The following STAB1 variants were observed in gnomAD, a reference collection of about 807,000 sequenced individuals.
STAB1 encodes stabilin-1.
In STAB1, 250 loss-of-function variants were observed where a neutral mutation model predicts 332.4. The ratio of observed to expected loss-of-function variants is 0.75; its 90% CI spans 0.68 to 0.84. The LOEUF is 0.84. Ranked by LOEUF, STAB1 falls within the 40% of genes least tolerant of loss-of-function variation. The pLI is 0.00. For synonymous variants in STAB1, 1,475 were observed against 1,390.4 expected, an observed-to-expected ratio of 1.06 and a Z score of -1.35; for missense variants, 3,249 against 3,489.7, an observed-to-expected ratio of 0.93 and a Z score of 1.74.
chr3:52,519,879 C>A, intron 50 of STAB1, 65 bp from the exon 51 acceptor site: 1 of 1,505,378 alleles, frequency 6.6e-7, no homozygotes, highest in African/African-American at 1.4e-5. Context: ...TGGCACAGCC[C>A]CCTGCCTTTG....
intron 52 of STAB1, 28 bp downstream of exon 52, chr3:52,520,318 A>AGG: frequency 6.2e-7 from 1 of 1,612,946 alleles, no homozygotes; most frequent in Non-Finnish European, 8.5e-7. Flanking sequence ...GCTTGGATGA[A>AGG]GGGAGTAGGA....
At position 52,519,982 on chromosome 3, in the gene STAB1, T is replaced by C; in HGVS notation, c.5274T>C (p.His1758=). 3.1e-6 allele frequency: 5 copies of C among 1,608,642 alleles called. No individual in the cohort carries two copies. Among genetic ancestry groups the C allele is most frequent in the South Asian group, 1.1e-5 (1 of 90,854 alleles). Residue 1758 remains histidine, a synonymous_variant, in exon 51 of 69, where the codon CAT becomes CAC. Coordinates refer to ENST00000321725, the MANE Select transcript of STAB1 (RefSeq NM_015136.3). ...GLLPLLREAS[H]RPFTMLWPTD... ...TGCCCCTGCTTCGAGAGGCATCCCATAGGCCCTTCACAATGCTGTGGCCCA... is the reference window on the plus strand; with the variant it reads ...TGCCCCTGCTTCGAGAGGCATCCCACAGGCCCTTCACAATGCTGTGGCCCA...
intron 45 of STAB1, 149 bp from the exon 46 acceptor site, chr3:52,518,163 C>T (rs1353050549): frequency 1.3e-6 from 2 of 1,490,006 alleles, no homozygotes; most frequent in Non-Finnish European, 1.8e-6. Context: ...AGCTATGACC[C>T]ATGAAACTAG....
chr3:52,519,905 C>T, intron 50 of STAB1, 39 bp from the exon 51 acceptor site: 2 of 1,535,724 alleles, frequency 1.3e-6, no homozygotes, highest in Non-Finnish European at 1.7e-6. Flanking sequence ...TAGTCTCTGA[C>T]TGGGCAGCGA....
At chr3:52,521,289 G>C (rs1177004430) in intron 55 of STAB1, 72 bp from the exon 56 acceptor site, 4 of 1,596,814 alleles carry the variant, frequency 2.5e-6, no homozygotes, top group Admixed American at 1.7e-5. Context: ...GCAGGGCTAG[G>C]CTGGAGGTAC....
At position 52,519,424 on chromosome 3, in the gene STAB1, G is replaced by A. The variant is rs773389637; in HGVS notation, c.5175+20G>A. On this transcript the variant is annotated intron_variant, in intron 49 of 68. Coordinates refer to ENST00000321725, the MANE Select transcript of STAB1 (RefSeq NM_015136.3). ...CCGAGGGTATGACAAGCACGGGCCTGGGAGCTGGAAGACAGGCAGGTGGGG... is the reference window on the plus strand; with the variant it reads ...CCGAGGGTATGACAAGCACGGGCCTAGGAGCTGGAAGACAGGCAGGTGGGG... 6.2e-7 allele frequency: 1 copy of A among 1,612,362 alleles called. No homozygotes were observed. The highest frequency in any genetic ancestry group is 1.1e-5 in the South Asian group (1 of 91,062).
intron 34 of STAB1, 58 bp from the exon 35 acceptor site, chr3:52,514,641 TAC>T: frequency 6.2e-7 from 1 of 1,610,294 alleles, no homozygotes; most frequent in East Asian, 2.2e-5. Flanking sequence ...TGCCTGACCT[TAC>T]AGCCCTGCCA....
rs752768226 is a variant in STAB1 at position 52,522,784 on chromosome 3, C to T, written c.6754C>T (p.His2252Tyr). The change falls in exon 62 of 69, where the codon CAC (histidine) becomes TAC (tyrosine). Residue 2252 changes from histidine to tyrosine, a missense_variant. Physicochemically the swap from His to Tyr is moderately conservative, Grantham distance 83 (BLOSUM62 2). Coordinates refer to ENST00000321725, the MANE Select transcript of STAB1 (RefSeq NM_015136.3). ...CCTCCTGTTCCTACAGCTGGGCTTC[C>T]ACCTGTGCCTCATGGGCTGGCTGGC... ...QLSAAQQLGFHLCLMGWLANG... is the reference protein window; with the variant it reads ...QLSAAQQLGFYLCLMGWLANG... The T allele has an allele frequency of 6.2e-7, 1 of 1,613,146 alleles. No individual in the cohort carries two copies. The highest frequency in any genetic ancestry group is 1.1e-5 in the South Asian group (1 of 91,078).
At chr3:52,504,358 C>T (rs1235106639) in intron 10 of STAB1, 103 bp from the exon 11 acceptor site, 1 of 1,397,184 alleles carries the variant, frequency 7.2e-7, no homozygotes, top group African/African-American at 1.4e-5. Context: ...GGGAGAATAC[C>T]CCCACCCCAA....
At chr3:52,498,717 G>A (rs60997031) in intron 1 of STAB1, among the ~76,000 whole-genome samples, 3,028 of 152,278 alleles carry the variant, frequency 0.02, 104 homozygotes, top group African/African-American at 0.069. Context: ...AATGGTGACC[G>A]CGCTGGCAGC....
At chr3:52,497,972 G>A (rs893652243) in intron 1 of STAB1, among the ~76,000 whole-genome samples, 13 of 152,190 alleles carry the variant, frequency 8.5e-5, no homozygotes, top group South Asian at 4.1e-4. Flanking sequence ...CCGAGGGCAC[G>A]TGGCTAGGTG....
chr3:52,521,073 A>G (rs1214870698), intron 55 of STAB1, 68 bp downstream of exon 55: 4 of 1,455,238 alleles, frequency 2.7e-6, no homozygotes, highest in Middle Eastern at 1.8e-4. Context: ...AGCTCTGGCC[A>G]TTGTCCTTGA....
chr3:52,495,900 G>A (rs900936052), intron 1 of STAB1, among the ~76,000 whole-genome samples: 3 of 152,198 alleles, frequency 2.0e-5, no homozygotes, highest in Admixed American at 6.5e-5. Context: ...GCACATGTGT[G>A]TGCCTGTGTC....
Position 52,523,451 on chromosome 3 carries a change from C to A in STAB1, c.7165C>A (p.Leu2389Met). 1 of 1,609,672 alleles carries A rather than the reference C, an allele frequency of 6.2e-7. No homozygotes were observed. The highest frequency in any genetic ancestry group is 8.5e-7 in the Non-Finnish European group (1 of 1,177,578). The change falls in exon 65 of 69, where the codon CTG becomes ATG. Residue 2389 changes from leucine (L) to methionine (M), a missense_variant. Coordinates refer to ENST00000321725, the MANE Select transcript of STAB1 (RefSeq NM_015136.3). ...GACGCTGAGTGGCCCAGACTTGGAG[C>A]TGCATGCCTCCAACGCCACCCTCCT... ...NMTLSGPDLE[L>M]HASNATLLSA...
At chr3:52,510,314 T>G in intron 24 of STAB1, 35 bp from the exon 25 acceptor site, 1 of 1,613,838 alleles carries the variant, frequency 6.2e-7, no homozygotes, top group Non-Finnish European at 8.5e-7. Flanking sequence ...CCTACGTTCT[T>G]GTGTCCCTCA....
intron 1 of STAB1, among the ~76,000 whole-genome samples, chr3:52,500,677 C>G (rs1164510187): frequency 6.6e-6 from 1 of 152,238 alleles, no homozygotes; most frequent in East Asian, 1.9e-4. Flanking sequence ...AGCATCAGCT[C>G]TGTCATTTAT....
chr3:52,501,697 G>A lies in STAB1; in HGVS notation c.275G>A (p.Arg92Gln), dbSNP rs775153736. The A allele has an allele frequency of 4.5e-5, 71 of 1,582,114 alleles. No homozygotes were observed. The Middle Eastern group carries it at 1.7e-3, about 37-fold the overall frequency. The change falls in exon 3 of 69, where the codon CGG becomes CAG. Residue 92 changes from arginine to glutamine, a missense_variant. Coordinates refer to ENST00000321725, the MANE Select transcript of STAB1 (RefSeq NM_015136.3). ...ATGAGCGGCTGCAGACGGAAGTGCC[G>A]GAAGCAAGTGGTGCAGAAGGCCTGC... ...VSMSGCRRKC[R>Q]KQVVQKACCP...
chr3:52,515,103 G>A, intron 36 of STAB1, 58 bp downstream of exon 36: 1 of 1,591,996 alleles, frequency 6.3e-7, no homozygotes, highest in African/African-American at 1.3e-5. Context: ...CTTCTTCCAA[G>A]GTGCCCAATC....
chr3:52,509,839 C>T, intron 22 of STAB1, 31 bp from the exon 23 acceptor site: 1 of 1,611,788 alleles, frequency 6.2e-7, no homozygotes, highest in Non-Finnish European at 8.5e-7. Flanking sequence ...TCCTGCTTCT[C>T]AGTTTCCTTG....
Sources: allele counts gnomAD v4.1 joint callset (sites outside exome capture counted in the v4.1 genomes callset), GRCh38; gene constraint gnomAD v4.1.1; transcripts MANE v1.5; gene names NCBI Gene and HGNC (gene_info 2026-07-23, HGNC 2026-07-21).